SESN3: variants seen among roughly 807,000 people sequenced by gnomAD.
SESN3 encodes the protein sestrin 3.
A neutral mutation model predicts 55.3 loss-of-function variants in SESN3; 21 were observed. The observed-to-expected ratio is 0.38, with a 90% CI of 0.27 to 0.55. The LOEUF is 0.55. Ranked by LOEUF, SESN3 falls within the 20% of genes least tolerant of loss-of-function variation. The pLI is 0.76. For synonymous variants in SESN3, 181 were observed against 203.1 expected (o/e 0.89, Z 0.93); for missense variants, 408 against 604.3 (o/e 0.68, Z 3.41).
intron 1 of SESN3, among the ~76,000 whole-genome samples, chr11:95,217,854 T>C (rs1187935332): frequency 6.6e-6 from 1 of 152,200 alleles, no homozygotes. Flanking sequence ...CTTACATTGA[T>C]TAAATGCTCA....
Position 95,181,743 on chromosome 11 carries a change from A to G in SESN3, c.937+2677T>C, listed in dbSNP as rs181077755. Among the ~76,000 whole-genome samples the G allele has an allele frequency of 3.5e-3, 535 of 152,210 alleles. 2 individuals carry two copies. The highest frequency in any genetic ancestry group is 5.8e-3 in the Non-Finnish European group (394 of 67,948). On this transcript the variant is annotated intron_variant, in intron 6 of 9. Coordinates refer to ENST00000536441, the MANE Select transcript of SESN3 (RefSeq NM_144665.4). ...GAAAAACTATTCTTAGAATCCTTAC[A>G]TAGAATCTGGAATACTTTATAACGC... is the stretch of plus-strand genomic sequence containing the variant.
intron 1 of SESN3, among the ~76,000 whole-genome samples, chr11:95,196,266 T>G (rs1026263168): frequency 2.0e-5 from 3 of 152,184 alleles, no homozygotes; most frequent in African/African-American, 4.8e-5. Context: ...CTGTATTGTC[T>G]CAGTTGGCTG....
At chr11:95,231,799 C>T (rs1417968355), upstream of SESN3, 3 of 152,176 alleles carry the variant, frequency 2.0e-5, no homozygotes, top group Non-Finnish European at 2.9e-5. Context: ...AAGAACTTTA[C>T]GCATCATTTA....
chr11:95,197,449 T>C (rs1860382005), intron 1 of SESN3, among the ~76,000 whole-genome samples: 1 of 150,426 alleles, frequency 6.6e-6, no homozygotes, highest in Non-Finnish European at 1.5e-5. Context: ...TCTTTTCTTT[T>C]TTTTTTTTTT....
chr11:95,178,883 A>G, intron 6 of SESN3, 55 bp from the exon 7 acceptor site: 1 of 1,003,764 alleles, frequency 1.0e-6, no homozygotes, highest in Non-Finnish European at 1.5e-6. Context: ...GGTTATGACA[A>G]TAAAACGGAA....
Position 95,231,148 on chromosome 11 carries a change from A to G in SESN3, c.-288T>C. On this transcript the variant is annotated 5_prime_UTR_variant, in exon 1 of 10. Transcript: ENST00000536441. ...AGACCCCCGCCCCCGCCAGGCTAGG[A>G]CGAGCAGCCGCCACCGCTGCCACCG... 3.7e-6 allele frequency: 1 copy of G among 269,726 alleles called. No homozygotes were observed. The highest frequency in any genetic ancestry group is 6.6e-6 in the Non-Finnish European group (1 of 151,500). The allele number at this position is 269,726 out of a possible 1,614,324, so 16.7% of individuals were successfully genotyped here.
chr11:95,228,874 A>G (rs1860996732), intron 1 of SESN3, among the ~76,000 whole-genome samples: 1 of 152,240 alleles, frequency 6.6e-6, no homozygotes. Flanking sequence ...CTTTCTAGGT[A>G]AACAGAAATA....
chr11:95,188,435 C>T (rs550716704), intron 4 of SESN3, among the ~76,000 whole-genome samples: 1 of 151,688 alleles, frequency 6.6e-6, no homozygotes, highest in Non-Finnish European at 1.5e-5. Context: ...AGTACCATAA[C>T]ATAACCCTGA....
At chr11:95,183,332 T>A (rs1424824167) in intron 6 of SESN3, among the ~76,000 whole-genome samples, 5 of 152,130 alleles carry the variant, frequency 3.3e-5, no homozygotes, top group Non-Finnish European at 7.4e-5. Context: ...CTCAATTTGG[T>A]AGATAAAATT....
chr11:95,217,142 A>G (rs1457870737), intron 1 of SESN3, among the ~76,000 whole-genome samples: 1 of 151,860 alleles, frequency 6.6e-6, no homozygotes, highest in Non-Finnish European at 1.5e-5. Context: ...TTCCACTACT[A>G]TATGCTTATA....
chr11:95,179,436 T>C (rs1227254805), intron 6 of SESN3, among the ~76,000 whole-genome samples: 2 of 152,174 alleles, frequency 1.3e-5, no homozygotes, highest in South Asian at 2.1e-4. Context: ...AACCATTTTT[T>C]TGGTTTTGTT....
chr11:95,181,786 T>C (rs546020720), intron 6 of SESN3, among the ~76,000 whole-genome samples: 2 of 152,242 alleles, frequency 1.3e-5, no homozygotes, highest in South Asian at 4.1e-4. Context: ...ACCAAGACTT[T>C]TTTAATACCA....
At chr11:95,215,550 G>A (rs895071477) in intron 1 of SESN3, among the ~76,000 whole-genome samples, 1 of 152,136 alleles carries the variant, frequency 6.6e-6, no homozygotes, top group African/African-American at 2.4e-5. Context: ...CTAGTTTGGT[G>A]TACTGCTGAA....
intron 1 of SESN3, among the ~76,000 whole-genome samples, chr11:95,208,411 A>G (rs777916133): frequency 4.7e-4 from 72 of 151,590 alleles, no homozygotes; most frequent in Non-Finnish European, 5.9e-4. Flanking sequence ...CCAAGAATGT[A>G]ATCTCCAAAA....
At position 95,171,511 on chromosome 11, in the gene SESN3, T is replaced by G. The variant is rs1289966139; in HGVS notation, c.*1744A>C. ...AAATCTAAAAGAAAGCAACCCAATA[T>G]ATTGTACCAGAGGAGGATGATAAAT... On this transcript the variant is annotated 3_prime_UTR_variant, in exon 10 of 10. Coordinates refer to ENST00000536441, the MANE Select transcript of SESN3 (RefSeq NM_144665.4). 3 of 152,288 alleles carry G rather than the reference T, an allele frequency of 2.0e-5. No individual in the cohort carries two copies. Among genetic ancestry groups the G allele is most frequent in the African/African-American group, 7.2e-5 (3 of 41,564 alleles). The allele number at this position is 152,288 out of a possible 1,614,324, so 9.4% of individuals were successfully genotyped here.
At chr11:95,189,104 G>T (rs1247174749) in intron 4 of SESN3, among the ~76,000 whole-genome samples, 1 of 151,880 alleles carries the variant, frequency 6.6e-6, no homozygotes, top group African/African-American at 2.4e-5. Context: ...AATAACAAAG[G>T]TTTCCACTGA....
chr11:95,226,843 G>A (rs1860956155), intron 1 of SESN3, among the ~76,000 whole-genome samples: 2 of 152,180 alleles, frequency 1.3e-5, no homozygotes, highest in South Asian at 4.1e-4. Flanking sequence ...TTTAAAATAA[G>A]TTAAAACATA....
Position 95,230,566 on chromosome 11 carries a change from A to AC in SESN3, c.78+216dup. 1 of 534,800 alleles carries AC rather than the reference A, an allele frequency of 1.9e-6. No homozygotes were observed. The highest frequency in any genetic ancestry group is 3.3e-6 in the Non-Finnish European group (1 of 304,570). 33.1% of individuals were successfully genotyped at this position (534,800 alleles called of 1,614,324 possible). A position where few individuals can be genotyped will look rare whatever the true frequency, so the allele number is the denominator to read the frequency against. ...GAACAAGGGAAGAAAAAATATCCCA[A>AC]CCCCTCCAGACTTGGGTCTGTCCCG... On this transcript the variant is annotated intron_variant, in intron 1 of 9. Coordinates refer to ENST00000536441, the MANE Select transcript of SESN3 (RefSeq NM_144665.4). The surrounding 1 kb of genome is among the most constrained non-coding windows in gnomAD (Gnocchi z 4.6).
At chr11:95,218,623 T>A (rs188956961) in intron 1 of SESN3, among the ~76,000 whole-genome samples, 16 of 150,790 alleles carry the variant, frequency 1.1e-4, no homozygotes, top group African/African-American at 3.6e-4. Context: ...TACATTCCCA[T>A]CTACCTAAAC....
Sources: allele counts gnomAD v4.1 joint callset (sites outside exome capture counted in the v4.1 genomes callset), GRCh38; gene constraint gnomAD v4.1.1; non-coding constraint Gnocchi (gnomAD v3.1); transcripts MANE v1.5; gene names NCBI Gene and HGNC (gene_info 2026-07-23, HGNC 2026-07-21).